KCNC2: variants seen among roughly 807,000 people sequenced by gnomAD.
KCNC2 encodes potassium voltage-gated channel subfamily C member 2, also known as voltage-gated potassium channel KCNC2.
A neutral mutation model predicts 44.5 loss-of-function variants in KCNC2; 21 were observed. That is an observed-to-expected ratio of 0.47 (90% confidence interval 0.33 to 0.68). The LOEUF (loss-of-function observed/expected upper bound fraction) is 0.68, where lower values mean the gene tolerates loss of function less well. Ranked by LOEUF, KCNC2 falls within the 30% of genes least tolerant of loss-of-function variation. KCNC2 has a pLI of 0.01. For synonymous variants in KCNC2, 391 were observed against 339.1 expected, an observed-to-expected ratio of 1.15 and a Z score of -1.68; for missense variants, 589 against 826.2, an observed-to-expected ratio of 0.71 and a Z score of 3.52.
intron 2 of KCNC2, among the ~76,000 whole-genome samples, chr12:75,100,097 T>C (rs1226737280): frequency 2.6e-5 from 4 of 152,072 alleles, no homozygotes; most frequent in Admixed American, 2.0e-4. Flanking sequence ...GTATCTTTCT[T>C]ACTATTGGGG....
intron 2 of KCNC2, among the ~76,000 whole-genome samples, chr12:75,151,101 C>T (rs1890360876): frequency 6.6e-6 from 1 of 151,882 alleles, no homozygotes; most frequent in South Asian, 2.1e-4. Flanking sequence ...ACTGGACGGG[C>T]TTGCAGATAC....
chr12:75,111,951 A>C (rs1428338373), intron 2 of KCNC2, among the ~76,000 whole-genome samples: 4 of 152,018 alleles, frequency 2.6e-5, no homozygotes, highest in Non-Finnish European at 5.9e-5. Context: ...AAGATATTCT[A>C]TTAAAAAATG....
At chr12:75,152,272 A>G (rs999914861) in intron 2 of KCNC2, among the ~76,000 whole-genome samples, 2 of 151,240 alleles carry the variant, frequency 1.3e-5, no homozygotes, top group Admixed American at 1.3e-4. Flanking sequence ...ATCATAGTAA[A>G]AAAAAAGAGT....
At chr12:75,208,084 G>T (rs73187152) in intron 1 of KCNC2, 82 bp from the exon 2 acceptor site, 2 of 1,527,364 alleles carry the variant, frequency 1.3e-6, no homozygotes, top group Non-Finnish European at 1.8e-6. Flanking sequence ...AACCCAGAGC[G>T]AGTCCAGGGA....
Position 75,207,425 on chromosome 12 carries a change from C to A in KCNC2, c.559G>T (p.Ala187Ser). The change falls in exon 2 of 5, where the codon GCC becomes TCC. Residue 187 changes from alanine (A) to serine (S), a missense_variant. This residue lies in a region of KCNC2 where 97 missense variants were observed against 73.3 expected (regional missense o/e 1.32). Transcript: ENST00000549446. The surrounding 1 kb of genome is among the most constrained non-coding windows in gnomAD (Gnocchi z 4.1). ...GDPGDDEDLAAKRLGIEDAAG... is the reference protein window; with the variant it reads ...GDPGDDEDLASKRLGIEDAAG... ...GCGTCCTCGATGCCCAGCCTCTTGG[C>A]CGCCAGGTCCTCGTCGTCGCCGGGG... The A allele has an allele frequency of 6.2e-7, 1 of 1,605,346 alleles. No individual in the cohort carries two copies. The highest frequency in any genetic ancestry group is 8.5e-7 in the Non-Finnish European group (1 of 1,176,186).
intron 2 of KCNC2, among the ~76,000 whole-genome samples, chr12:75,192,660 A>G (rs1017541105): frequency 3.9e-5 from 6 of 152,204 alleles, no homozygotes; most frequent in African/African-American, 1.4e-4. Flanking sequence ...TCTCAGTAGG[A>G]TTGTGTATGT....
At chr12:75,100,675 A>C (rs2137177087) in intron 2 of KCNC2, among the ~76,000 whole-genome samples, 1 of 152,174 alleles carries the variant, frequency 6.6e-6, no homozygotes, top group Non-Finnish European at 1.5e-5. Flanking sequence ...TCATCAATGT[A>C]ACTTATTAGT....
intron 2 of KCNC2, among the ~76,000 whole-genome samples, chr12:75,190,096 T>C (rs1198213319): frequency 6.6e-6 from 1 of 152,216 alleles, no homozygotes; most frequent in African/African-American, 2.4e-5. Flanking sequence ...TTATCTCATC[T>C]AATCCTCATA....
chr12:75,127,495 G>C lies in KCNC2; in HGVS notation c.688-76178C>G, dbSNP rs1592927641. On this transcript the variant is annotated intron_variant, in intron 2 of 4. Coordinates refer to ENST00000549446, the MANE Select transcript of KCNC2 (RefSeq NM_139137.4). Reference sequence around the variant, plus strand: ...AAAGGGAAGGGAAGGGAACTAGTTTGATCAGGTAAGCAAAACATGTAGACT... The same window carrying C: ...AAAGGGAAGGGAAGGGAACTAGTTTCATCAGGTAAGCAAAACATGTAGACT... 2.0e-5 allele frequency among the ~76,000 whole-genome samples: 3 copies of C among 152,266 alleles called. No homozygotes were observed. In the South Asian group the frequency reaches 6.2e-4, roughly 32 times the overall value.
intron 2 of KCNC2, among the ~76,000 whole-genome samples, chr12:75,090,942 A>T (rs1885420539): frequency 6.6e-6 from 1 of 151,738 alleles, no homozygotes; most frequent in Non-Finnish European, 1.5e-5. Flanking sequence ...ACTTGCCATG[A>T]CCAATCACAT....
At chr12:75,043,566 G>T in intron 4 of KCNC2, 1 of 1,207,842 alleles carries the variant, frequency 8.3e-7, no homozygotes, top group South Asian at 2.9e-5. Context: ...ACTTAAGTAA[G>T]ATATAAGCTT....
rs1367700604 is a variant in KCNC2 at position 75,042,692 on chromosome 12, G to A, written c.*413C>T. 5.9e-6 allele frequency: 7 copies of A among 1,186,672 alleles called. No homozygotes were observed. In the East Asian group the frequency reaches 2.3e-4, roughly 38 times the overall value. 73.5% of individuals were successfully genotyped at this position (1,186,672 alleles called of 1,614,324 possible). A position where few individuals can be genotyped will look rare whatever the true frequency, so the allele number is the denominator to read the frequency against. ...TGAGCTGACACAAGTCATGTCGTGTGCAATCAAGATAGGATCCCAGACATC... is the reference window on the plus strand; with the variant it reads ...TGAGCTGACACAAGTCATGTCGTGTACAATCAAGATAGGATCCCAGACATC... On this transcript the variant is annotated 3_prime_UTR_variant, in exon 5 of 5. Transcript: ENST00000549446.
At chr12:75,153,302 T>G (rs1890533433) in intron 2 of KCNC2, among the ~76,000 whole-genome samples, 1 of 151,974 alleles carries the variant, frequency 6.6e-6, no homozygotes, top group South Asian at 2.1e-4. Flanking sequence ...ACAGCAAACC[T>G]TTGAATAATC....
At chr12:75,070,913 T>G (rs1187780137) in intron 2 of KCNC2, among the ~76,000 whole-genome samples, 1 of 152,178 alleles carries the variant, frequency 6.6e-6, no homozygotes, top group Non-Finnish European at 1.5e-5. Context: ...ATACATTCTT[T>G]TAAAATTAAT....
intron 2 of KCNC2, among the ~76,000 whole-genome samples, chr12:75,190,348 A>T (rs1415604290): frequency 6.6e-6 from 1 of 152,018 alleles, no homozygotes; most frequent in African/African-American, 2.4e-5. Context: ...TATTTCTTAA[A>T]CACCCCTTAT....
chr12:75,156,052 A>C (rs907238174), intron 2 of KCNC2, among the ~76,000 whole-genome samples: 3 of 151,878 alleles, frequency 2.0e-5, no homozygotes, highest in African/African-American at 7.2e-5. Flanking sequence ...ATTTCAGGTC[A>C]CCAGGAGAGA....
At chr12:75,074,722 T>G (rs1883755552) in intron 2 of KCNC2, among the ~76,000 whole-genome samples, 1 of 152,232 alleles carries the variant, frequency 6.6e-6, no homozygotes. Context: ...ATTATACATC[T>G]ACTGTGTTCC....
intron 2 of KCNC2, among the ~76,000 whole-genome samples, chr12:75,177,970 T>A (rs1892307995): frequency 6.6e-6 from 1 of 152,004 alleles, no homozygotes; most frequent in African/African-American, 2.4e-5. Context: ...ACCCAACAGA[T>A]GATATTTAGA....
chr12:75,117,233 T>C (rs1221906900), intron 2 of KCNC2, among the ~76,000 whole-genome samples: 1 of 152,216 alleles, frequency 6.6e-6, no homozygotes, highest in African/African-American at 2.4e-5. Context: ...GAAGTTTTGT[T>C]TTGAATTCAT....
Sources: allele counts gnomAD v4.1 joint callset (sites outside exome capture counted in the v4.1 genomes callset), GRCh38; gene constraint gnomAD v4.1.1; regional missense constraint gnomAD v4.1.1; non-coding constraint Gnocchi (gnomAD v3.1); transcripts MANE v1.5; gene names NCBI Gene and HGNC (gene_info 2026-07-23, HGNC 2026-07-21).